The following TNFRSF10B variants were observed in gnomAD, a reference collection of about 807,000 sequenced individuals.
The protein encoded by TNFRSF10B is tumor necrosis factor receptor superfamily member 10B.
Under a neutral mutation model 41.4 loss-of-function variants are expected in TNFRSF10B, and 35 were observed. The observed-to-expected ratio is 0.85, with a 90% CI of 0.65 to 1.12. The LOEUF is 1.12. Among genes scored for constraint, TNFRSF10B ranks in the 50% most tolerant of loss-of-function variants. TNFRSF10B has a pLI of 0.00. For missense variants in TNFRSF10B, 584 were observed against 552.7 expected, an observed-to-expected ratio of 1.06 and a Z score of -0.57; for synonymous variants, 230 against 215.5, an observed-to-expected ratio of 1.07 and a Z score of -0.59.
At chr8:23,062,733 T>G (rs910070673) in intron 1 of TNFRSF10B, among the ~76,000 whole-genome samples, 1 of 152,230 alleles carries the variant, frequency 6.6e-6, no homozygotes, top group African/African-American at 2.4e-5. Flanking sequence ...CTGTCTGGTT[T>G]CTTTAACTCA....
chr8:23,048,837 A>G (rs985182155), intron 1 of TNFRSF10B, among the ~76,000 whole-genome samples: 3 of 152,212 alleles, frequency 2.0e-5, no homozygotes, highest in African/African-American at 4.8e-5. Flanking sequence ...CCTGGGCTCA[A>G]GCAGTCCTCC....
chr8:23,064,046 G>A (rs1282185591), intron 1 of TNFRSF10B, among the ~76,000 whole-genome samples: 1 of 152,266 alleles, frequency 6.6e-6, no homozygotes, highest in East Asian at 1.9e-4. Flanking sequence ...GCATATGCAA[G>A]GAGCCGTGGA....
chr8:23,068,419 A>C, intron 1 of TNFRSF10B: 1 of 426,100 alleles, frequency 2.3e-6, no homozygotes, highest in East Asian at 4.5e-5. Flanking sequence ...AAGAAACAGA[A>C]AGTAAGGAAA....
intron 1 of TNFRSF10B, among the ~76,000 whole-genome samples, chr8:23,048,769 T>A (rs192609991): frequency 6.6e-6 from 1 of 152,186 alleles, no homozygotes; most frequent in African/African-American, 2.4e-5. Flanking sequence ...TAAATCCCCA[T>A]AAATACATAC....
intron 1 of TNFRSF10B, chr8:23,050,021 G>A (rs143373617): frequency 2.4e-4 from 37 of 151,964 alleles, no homozygotes; most frequent in African/African-American, 8.5e-4. Flanking sequence ...GGCTGTTTAT[G>A]TGCAAATCTA....
chr8:23,052,504 T>C (rs990430938), intron 1 of TNFRSF10B, among the ~76,000 whole-genome samples: 15 of 152,068 alleles, frequency 9.9e-5, no homozygotes, highest in Non-Finnish European at 1.8e-4. Flanking sequence ...GCCAGGATGG[T>C]CTTGATCTCC....
chr8:23,035,307 A>C (rs562802145), intron 2 of TNFRSF10B, among the ~76,000 whole-genome samples: 1 of 151,960 alleles, frequency 6.6e-6, no homozygotes, highest in South Asian at 2.1e-4. Context: ...ACATCCAACT[A>C]ATTTTTGTAT....
intron 1 of TNFRSF10B, among the ~76,000 whole-genome samples, chr8:23,046,301 C>A (rs1812355698): frequency 6.6e-6 from 1 of 151,644 alleles, no homozygotes; most frequent in African/African-American, 2.4e-5. Context: ...TAATAATGAA[C>A]TATATGAAAC....
At chr8:23,027,109 C>CA in intron 7 of TNFRSF10B, 24 bp downstream of exon 7, 2 of 1,613,582 alleles carry the variant, frequency 1.2e-6, no homozygotes, top group Non-Finnish European at 1.7e-6. Flanking sequence ...TGCCAGGAAA[C>CA]AAAATGATCT....
chr8:23,057,204 G>A (rs768087625), intron 1 of TNFRSF10B, among the ~76,000 whole-genome samples: 5 of 150,912 alleles, frequency 3.3e-5, no homozygotes, highest in Admixed American at 6.6e-5. Context: ...CACCCACCAT[G>A]CCCGGCTCAT....
intron 5 of TNFRSF10B, 32 bp from the exon 6 acceptor site, chr8:23,027,785 G>A (rs762921768): frequency 6.2e-7 from 1 of 1,613,900 alleles, no homozygotes; most frequent in South Asian, 1.1e-5. Context: ...TAGCAGGAAG[G>A]GAGGGGCCCA....
At chr8:23,041,603 TAAAA>T (rs199893473) in intron 2 of TNFRSF10B, among the ~76,000 whole-genome samples, 7 of 121,232 alleles carry the variant, frequency 5.8e-5, no homozygotes, top group Admixed American at 8.2e-5. Context: ...CTCAATGATT[TAAAA>T]AAAAAAAAAA....
intron 5 of TNFRSF10B, 65 bp downstream of exon 5, chr8:23,028,266 G>A: frequency 6.2e-7 from 1 of 1,608,962 alleles, no homozygotes; most frequent in South Asian, 1.1e-5. Flanking sequence ...TTCTGTCTGT[G>A]GGAATAGGGT....
Position 23,028,621 on chromosome 8 carries a change from G to A in TNFRSF10B, c.477-19C>T. 6.2e-7 allele frequency: 1 copy of A among 1,613,866 alleles called. No homozygotes were observed. Among genetic ancestry groups the A allele is most frequent in the Non-Finnish European group, 8.5e-7 (1 of 1,179,920 alleles). ...GGGACACCTGGGTACACACACAGAG[G>A]GAGAGGGGGGACTCTTGATGGAAAG... On this transcript the variant is annotated intron_variant, in intron 4 of 8. Transcript: ENST00000276431.
chr8:23,050,405 A>G (rs1275755226), intron 1 of TNFRSF10B, among the ~76,000 whole-genome samples: 1 of 152,292 alleles, frequency 6.6e-6, no homozygotes, highest in Non-Finnish European at 1.5e-5. Context: ...TTGAAGCTCA[A>G]TGATTGGGAG....
At chr8:23,068,470 C>G in intron 1 of TNFRSF10B, 1 of 539,608 alleles carries the variant, frequency 1.9e-6, no homozygotes, top group Non-Finnish European at 3.3e-6. Context: ...CGTGGCTTCA[C>G]GCAGCTTACT....
At chr8:23,028,238 TGGGGCA>T in intron 5 of TNFRSF10B, 87 bp downstream of exon 5, 1 of 1,575,188 alleles carries the variant, frequency 6.3e-7, no homozygotes, top group Non-Finnish European at 8.7e-7. Context: ...CACTTAGACT[TGGGGCA>T]GGGGCAGGCG....
At chr8:23,023,103 C>A in intron 8 of TNFRSF10B, 119 bp from the exon 9 acceptor site, 1 of 1,318,868 alleles carries the variant, frequency 7.6e-7, no homozygotes, top group Middle Eastern at 2.5e-4. Flanking sequence ...GCGGGCAAAC[C>A]TGCCGCTCCA....
At chr8:23,063,916 T>G (rs550537595) in intron 1 of TNFRSF10B, among the ~76,000 whole-genome samples, 1 of 152,314 alleles carries the variant, frequency 6.6e-6, no homozygotes, top group East Asian at 1.9e-4. Context: ...ACTCCCCACC[T>G]CTCACGTTTA....
Sources: gnomAD v4.1 joint callset for allele counts (sites outside exome capture counted in the v4.1 genomes callset) on GRCh38, gnomAD v4.1.1 for gene constraint, MANE v1.5 for transcripts, NCBI Gene and HGNC (gene_info 2026-07-23, HGNC 2026-07-21) for gene names.